The following PCDHGB2 variants were observed in gnomAD, a reference collection of about 807,000 sequenced individuals.
The protein encoded by PCDHGB2 is protocadherin gamma subfamily B, 2, also known as protocadherin gamma-B2.
In PCDHGB2, 55 loss-of-function variants were observed where a neutral mutation model predicts 59.3. That is an observed-to-expected ratio of 0.93 (90% CI 0.75 to 1.16). The LOEUF is 1.16. Among genes scored for constraint, PCDHGB2 ranks in the 50% most tolerant of loss-of-function variants. The pLI is 0.00. For synonymous variants in PCDHGB2, 516 were observed against 512.0 expected, an observed-to-expected ratio of 1.01 and a Z score of -0.11; for missense variants, 1,228 against 1,198.5, an observed-to-expected ratio of 1.02 and a Z score of -0.36.
chr5:141,420,840 TC>T (rs1453160032), intron 1 of PCDHGB2, among the ~76,000 whole-genome samples: 1 of 152,250 alleles, frequency 6.6e-6, no homozygotes, highest in Admixed American at 6.5e-5. Flanking sequence ...TCGCAGGTGT[TC>T]TTGGTAAAGT....
chr5:141,510,994 G>A lies in PCDHGB2; in HGVS notation c.2617G>A (p.Gly873Arg). ...CCTGGGAGGGGGTGCCGGCACCATG[G>A]GATTGAGCGCCCGCTACGGACCCCA... ...STLGGGAGTM[G>R]LSARYGPQFT... The change falls in exon 4 of 4, where the codon GGA becomes AGA. Residue 873 changes from glycine to arginine, a missense_variant. Physicochemically the swap from Gly to Arg is moderately radical, Grantham distance 125 (BLOSUM62 -2). This residue lies in a region of PCDHGB2 where 433 missense variants were observed against 441.8 expected (regional missense o/e 0.98). Transcript: ENST00000522605. 1 of 1,614,168 alleles carries A rather than the reference G, an allele frequency of 6.2e-7. No homozygotes were observed. Among genetic ancestry groups the A allele is most frequent in the Non-Finnish European group, 8.5e-7 (1 of 1,180,022 alleles).
rs2099385215 is a variant in PCDHGB2 at position 141,476,099 on chromosome 5, G to A, written c.2422-18708G>A. On this transcript the variant is annotated intron_variant, in intron 1 of 3. Coordinates refer to ENST00000522605, the MANE Select transcript of PCDHGB2 (RefSeq NM_018923.3). This position sits in a 1 kb window ranked among gnomAD's most constrained non-coding sequence, Gnocchi z 7.6. ...GGGACGATCTGGACCCCGCTGAGAGGAACTGCTTTTGAGTGAGATGGTCCC... is the reference window on the plus strand; with the variant it reads ...GGGACGATCTGGACCCCGCTGAGAGAAACTGCTTTTGAGTGAGATGGTCCC... 1 of 1,574,916 alleles carries A rather than the reference G, an allele frequency of 6.3e-7. No individual in the cohort carries two copies.
chr5:141,394,347 G>C (rs770737407), intron 1 of PCDHGB2: 1 of 1,614,118 alleles, frequency 6.2e-7, no homozygotes, highest in Non-Finnish European at 8.5e-7. Flanking sequence ...CTCTGACACC[G>C]GTGTCCTGTA....
At chr5:141,441,196 G>C (rs575668023) in intron 1 of PCDHGB2, 2 of 152,266 alleles carry the variant, frequency 1.3e-5, no homozygotes, top group East Asian at 3.9e-4. Flanking sequence ...GATTCCCAAA[G>C]ATTCTGCACC....
intron 1 of PCDHGB2, chr5:141,394,953 C>T (rs749925118): frequency 6.2e-7 from 1 of 1,613,886 alleles, no homozygotes; most frequent in Non-Finnish European, 8.5e-7. Context: ...GCTTCTGGGG[C>T]TCAGGCTGAG....
At chr5:141,394,458 A>G (rs776488659) in intron 1 of PCDHGB2, 1 of 1,614,218 alleles carries the variant, frequency 6.2e-7, no homozygotes, top group South Asian at 1.1e-5. Context: ...CATGTCACTG[A>G]GCCTGTTCGT....
intron 1 of PCDHGB2, chr5:141,400,262 G>A: frequency 6.2e-7 from 1 of 1,614,032 alleles, no homozygotes; most frequent in Non-Finnish European, 8.5e-7. Flanking sequence ...TTGCGCCTGC[G>A]ACGCTCCTCC....
intron 1 of PCDHGB2, chr5:141,365,756 G>C: frequency 6.2e-7 from 1 of 1,613,776 alleles, no homozygotes; most frequent in Non-Finnish European, 8.5e-7. Context: ...CTCTGTGACA[G>C]CCCATGACCC....
intron 1 of PCDHGB2, chr5:141,389,969 C>G: frequency 6.2e-7 from 1 of 1,614,042 alleles, no homozygotes; most frequent in Non-Finnish European, 8.5e-7. Context: ...TGGCCTTGGC[C>G]TTGATCTCAG....
Position 141,487,845 on chromosome 5 carries a change from A to C in PCDHGB2, c.2422-6962A>C, listed in dbSNP as rs2099667978. ...GGGTCATGCCTATATCTGAGTAAGA[A>C]ATGAAAGTAATTGGTGATCAAGAGC... On this transcript the variant is annotated intron_variant, in intron 1 of 3. Coordinates refer to ENST00000522605, the MANE Select transcript of PCDHGB2 (RefSeq NM_018923.3). The surrounding 1 kb of genome is among the most constrained non-coding windows in gnomAD (Gnocchi z 5.0). 2.9e-6 allele frequency: 3 copies of C among 1,027,382 alleles called. No homozygotes were observed. Among genetic ancestry groups the C allele is most frequent in the Non-Finnish European group, 4.2e-6 (3 of 716,452 alleles). The allele number at this position is 1,027,382 out of a possible 1,614,324, so 63.6% of individuals were successfully genotyped here.
Position 141,360,008 on chromosome 5 carries a change from C to G in PCDHGB2, c.-128C>G. 1 of 1,210,692 alleles carries G rather than the reference C, an allele frequency of 8.3e-7. No individual in the cohort carries two copies. The highest frequency in any genetic ancestry group is 1.1e-6 in the Non-Finnish European group (1 of 902,076). 75.0% of individuals were successfully genotyped at this position (1,210,692 alleles called of 1,614,324 possible). ...AGGGGAACTTCCTGCACAAACCAAC[C>G]ACACAGAGAAGGCCAGTATAGATTC... On this transcript the variant is annotated 5_prime_UTR_variant, in exon 1 of 4. Transcript: ENST00000522605.
intron 1 of PCDHGB2, among the ~76,000 whole-genome samples, chr5:141,435,568 A>C (rs564789030): frequency 8.7e-4 from 132 of 152,274 alleles, no homozygotes; most frequent in Middle Eastern, 6.8e-3. Context: ...TTTTTTTAGT[A>C]CTGGGGCAAA....
In PCDHGB2 at chr5:141,506,418, G is replaced by A. The variant is rs2099853241; in HGVS notation, c.2569+937G>A. Among the ~76,000 whole-genome samples, 3 of 141,160 alleles carry A rather than the reference G, an allele frequency of 2.1e-5. No homozygotes were observed. The South Asian group carries it at 6.6e-4, about 31-fold the overall frequency. 92.6% of individuals were successfully genotyped at this position (141,160 alleles called of 152,430 possible). The stretch of plus-strand genomic sequence containing the variant: ...CAGAAAATCGCACCACTGCACTCCA[G>A]CCTGGGCAACAGTCTCGCTCTGTCT... On this transcript the variant is annotated intron_variant, in intron 3 of 3. Coordinates refer to ENST00000522605, the MANE Select transcript of PCDHGB2 (RefSeq NM_018923.3).
intron 1 of PCDHGB2, chr5:141,384,324 T>C (rs373247436): frequency 6.2e-7 from 1 of 1,613,862 alleles, no homozygotes; most frequent in Non-Finnish European, 8.5e-7. Flanking sequence ...TCTTAGTGAC[T>C]GCACAGGACC....
At chr5:141,404,484 C>G in intron 1 of PCDHGB2, 1 of 1,613,504 alleles carries the variant, frequency 6.2e-7, no homozygotes, top group East Asian at 2.2e-5. Context: ...AACTCAGACA[C>G]TGGTGTGCTG....
intron 1 of PCDHGB2, among the ~76,000 whole-genome samples, chr5:141,458,436 C>T (rs2098945707): frequency 6.6e-6 from 1 of 152,056 alleles, no homozygotes; most frequent in Non-Finnish European, 1.5e-5. Context: ...AAGAGGAGGT[C>T]CCCCACATTA....
At chr5:141,362,774 C>T (rs1265004246) in intron 1 of PCDHGB2, 13 of 610,680 alleles carry the variant, frequency 2.1e-5, no homozygotes, top group Non-Finnish European at 3.3e-5. Context: ...AGATATTGCA[C>T]TGTATTTCTT....
intron 1 of PCDHGB2, chr5:141,403,407 A>T (rs2094404225): frequency 6.2e-7 from 1 of 1,613,940 alleles, no homozygotes. Context: ...GGAGCACGTT[A>T]TCCACTTCCA....
In PCDHGB2 at chr5:141,489,645, C is replaced by T; in HGVS notation, c.2422-5162C>T. 1.2e-6 allele frequency: 2 copies of T among 1,614,156 alleles called. No homozygotes were observed. The highest frequency in any genetic ancestry group is 2.7e-5 in the African/African-American group (2 of 75,022). On this transcript the variant is annotated intron_variant, in intron 1 of 3. Transcript: ENST00000522605. This position sits in a 1 kb window ranked among gnomAD's most constrained non-coding sequence, Gnocchi z 4.5. ...ATGACAACTCTCCTAGCTTTGCCAC[C>T]CCTGAGCGAGAGATGCGCATCTCAG...
Sources: allele counts gnomAD v4.1 joint callset (sites outside exome capture counted in the v4.1 genomes callset), GRCh38; gene constraint gnomAD v4.1.1; regional missense constraint gnomAD v4.1.1; non-coding constraint Gnocchi (gnomAD v3.1); transcripts MANE v1.5; gene names NCBI Gene and HGNC (gene_info 2026-07-23, HGNC 2026-07-21).